Variants in SNRNP25 observed in about 807,000 individuals in gnomAD.
The protein encoded by SNRNP25 is small nuclear ribonucleoprotein U11/U12 subunit 25.
In SNRNP25, 21 loss-of-function variants were observed where a neutral mutation model predicts 23.9. The ratio of observed to expected loss-of-function variants is 0.88; its 90% CI spans 0.62 to 1.27. The LOEUF (loss-of-function observed/expected upper bound fraction) is 1.27. Ranked by LOEUF, SNRNP25 falls within the 50% of genes most tolerant of loss-of-function variation. The pLI is 0.00. For missense variants in SNRNP25, 160 were observed against 156.9 expected (o/e 1.02, Z -0.11); for synonymous variants, 63 against 60.4 (o/e 1.04, Z -0.20).
At chr16:55,340 C>A in intron 1 of SNRNP25, 119 bp from the exon 2 acceptor site, 2 of 815,948 alleles carry the variant, frequency 2.5e-6, no homozygotes, top group Non-Finnish European at 4.2e-6. Flanking sequence ...GGCAACCACC[C>A]TTCCTTGCCC....
At chr16:56,740 G>A in intron 4 of SNRNP25, 127 bp downstream of exon 4, 3 of 1,013,092 alleles carry the variant, frequency 3.0e-6, no homozygotes, top group South Asian at 3.0e-5. Context: ...AGCTTCCTTG[G>A]GGCCCTCCCC....
intron 3 of SNRNP25, chr16:56,321 C>T: frequency 1.4e-6 from 1 of 713,254 alleles, no homozygotes; most frequent in Admixed American, 2.0e-5. Context: ...GTTGCATTAG[C>T]AAGGTTTGTT....
rs750941655 is a variant in SNRNP25, at chr16:54,052, G to C, written c.36G>C (p.Pro12=). The C allele has an allele frequency of 4.4e-6, 7 of 1,605,830 alleles. No individual in the cohort carries two copies. The highest frequency in any genetic ancestry group is 5.9e-6 in the Non-Finnish European group (7 of 1,178,426). ...VVQDPLLCDL[P]IQVTLEEVNS... is the part of the protein sequence containing the mutation. ...AGGACCCGCTGCTCTGCGATCTGCC[G>C]ATCCAGGTGTGTGCGGGCGGGGGCT... The change falls in exon 1 of 5, where the codon CCG becomes CCC. Residue 12 remains proline (P), a synonymous_variant. Coordinates refer to ENST00000293861, the MANE Select transcript of SNRNP25 (RefSeq NM_024571.4).
At position 56,556 on chromosome 16, in the gene SNRNP25, C is replaced by A. The variant is rs554678630; in HGVS notation, c.257C>A (p.Thr86Lys). ...TCTTGCAGGTCCTACGTGTGGAGGA[C>A]GTACCATCTGACCTCTGCAGGAGAG... ...QHISWSYVWR[T>K]YHLTSAGEKL... Residue 86 changes from threonine to lysine, a missense_variant, in exon 4 of 5, where the codon ACG (threonine) becomes AAG (lysine). Coordinates refer to ENST00000293861, the MANE Select transcript of SNRNP25 (RefSeq NM_024571.4). The A allele has an allele frequency of 6.2e-7, 1 of 1,613,884 alleles. No individual in the cohort carries two copies. The highest frequency in any genetic ancestry group is 1.3e-5 in the African/African-American group (1 of 74,932).
intron 3 of SNRNP25, 99 bp from the exon 4 acceptor site, chr16:56,440 C>T (rs1457825678): frequency 9.0e-7 from 1 of 1,109,052 alleles, no homozygotes; most frequent in East Asian, 2.4e-5. Context: ...ACAGCTGCCC[C>T]AGGTCCCATA....
chr16:55,426 A>T, intron 1 of SNRNP25, 33 bp from the exon 2 acceptor site: 2 of 1,596,806 alleles, frequency 1.3e-6, no homozygotes, highest in Non-Finnish European at 8.6e-7. Flanking sequence ...AAAGAGAGCC[A>T]GGGTTCCCAC....
chr16:56,404 T>C (rs1897408825), intron 3 of SNRNP25, 135 bp from the exon 4 acceptor site: 3 of 828,154 alleles, frequency 3.6e-6, no homozygotes, highest in Non-Finnish European at 6.2e-6. Context: ...ATCTGCACAT[T>C]GTACAGAACA....
At position 55,724 on chromosome 16, in the gene SNRNP25, G is replaced by T. The variant is rs1017180208; in HGVS notation, c.134-53G>T. On this transcript the variant is annotated intron_variant, in intron 2 of 4. Coordinates refer to ENST00000293861, the MANE Select transcript of SNRNP25 (RefSeq NM_024571.4). ...GGTTCCTTTCCTGCCATCGGAGGCT[G>T]TGGCTTTGGGTTCTCACCATGGATC... The T allele has an allele frequency of 1.9e-6, 3 of 1,598,902 alleles. No individual in the cohort carries two copies. In the African/African-American group the frequency reaches 4.0e-5, roughly 21 times the overall value.
At position 55,541 on chromosome 16, in the gene SNRNP25, A is replaced by T; in HGVS notation, c.125A>T (p.Glu42Val). The T allele has an allele frequency of 6.2e-7, 1 of 1,614,050 alleles. No individual in the cohort carries two copies. The highest frequency in any genetic ancestry group is 1.1e-5 in the South Asian group (1 of 91,068). The change falls in exon 2 of 5, where the codon GAA becomes GTA. Residue 42 changes from glutamate to valine, a missense_variant. Physicochemically the swap from Glu to Val is moderately radical, Grantham distance 121. Transcript: ENST00000293861. ...MTVRVCKMDG[E>V]VMPVVVVQSA... ...GTCCGAGTGTGCAAGATGGATGGAG[A>T]AGTAATGCGTAAGTGCTACCCTCCT...
chr16:56,060 T>C, intron 3 of SNRNP25, 178 bp downstream of exon 3: 3 of 666,020 alleles, frequency 4.5e-6, no homozygotes, highest in Non-Finnish European at 7.9e-6. Context: ...GTGCGGGTCG[T>C]TCTGTGCCTG....
Position 53,922 on chromosome 16 carries a change from C to T in SNRNP25, c.-95C>T, listed in dbSNP as rs547386992. The T allele has an allele frequency of 4.5e-6, 7 of 1,544,032 alleles. No homozygotes were observed. The South Asian group carries it at 4.7e-5, about 10-fold the overall frequency. ...GGGGCGGCCCTGGAGGAGACGGAGG[C>T]CGCGGGTGGGCCCGAGGCGCAAGAG... On this transcript the variant is annotated 5_prime_UTR_variant, in exon 1 of 5. Transcript: ENST00000293861.
intron 1 of SNRNP25, chr16:55,209 T>G: frequency 2.3e-6 from 1 of 442,552 alleles, no homozygotes; most frequent in Non-Finnish European, 4.2e-6. Flanking sequence ...CTCATGTGAG[T>G]TTATTCTCTT....
rs200095997 is a variant in SNRNP25 at position 55,779 on chromosome 16, G to A, written c.136G>A (p.Val46Met). Residue 46 changes from valine to methionine, a missense_variant and splice_region_variant, in exon 3 of 5, where the codon GTG becomes ATG. Val to Met is a conservative substitution (Grantham distance 21). Transcript: ENST00000293861. Reference sequence around the variant, plus strand: ...CCCATCTGTGTCCGTGGTTGCAGCCGTGGTTGTAGTGCAGAGTGCCACAGT... The same window carrying A: ...CCCATCTGTGTCCGTGGTTGCAGCCATGGTTGTAGTGCAGAGTGCCACAGT... Reference protein sequence around the residue: ...VCKMDGEVMPVVVVQSATVLD... With the variant: ...VCKMDGEVMPMVVVQSATVLD... 26 of 1,614,070 alleles carry A rather than the reference G, an allele frequency of 1.6e-5. No homozygotes were observed. Among genetic ancestry groups the A allele is most frequent in the Middle Eastern group, 1.6e-4 (1 of 6,062 alleles).
At chr16:55,957 C>T (rs568520075) in intron 3 of SNRNP25, 75 bp downstream of exon 3, 15 of 1,312,122 alleles carry the variant, frequency 1.1e-5, no homozygotes, top group Admixed American at 9.8e-5. Flanking sequence ...CACCAGGCAC[C>T]ACCTGGAAAC....
intron 3 of SNRNP25, 105 bp downstream of exon 3, chr16:55,987 G>C: frequency 2.0e-6 from 2 of 979,514 alleles, no homozygotes; most frequent in Non-Finnish European, 3.1e-6. Context: ...CTCTGCATGA[G>C]TACAGCACCA....
intron 4 of SNRNP25, among the ~76,000 whole-genome samples, chr16:56,835 G>A (rs1408027247): frequency 1.3e-5 from 2 of 152,224 alleles, no homozygotes; most frequent in Non-Finnish European, 2.9e-5. Context: ...AGTGCCAGGA[G>A]GGAGGAAATC....
intron 1 of SNRNP25, 54 bp downstream of exon 1, chr16:54,112 T>G: frequency 1.9e-6 from 3 of 1,552,352 alleles, no homozygotes; most frequent in Non-Finnish European, 2.6e-6. Context: ...GGTCCGGGCA[T>G]CCGGGCGCCG....
At chr16:54,654 CCT>C (rs1478212574) in intron 1 of SNRNP25, among the ~76,000 whole-genome samples, 8 of 152,144 alleles carry the variant, frequency 5.3e-5, no homozygotes, top group Non-Finnish European at 1.0e-4. Flanking sequence ...GTTCCATTTG[CCT>C]CAAGCGTCAA....
chr16:55,547 T>A lies in SNRNP25; in HGVS notation c.131T>A (p.Met44Lys). 2 of 1,613,968 alleles carry A rather than the reference T, an allele frequency of 1.2e-6. No individual in the cohort carries two copies. Among genetic ancestry groups the A allele is most frequent in the South Asian group, 1.1e-5 (1 of 91,076 alleles). ...GTGTGCAAGATGGATGGAGAAGTAA[T>A]GCGTAAGTGCTACCCTCCTCCCTTC... ...VRVCKMDGEV[M>K]PVVVVQSATV... The change falls in exon 2 of 5, where the codon ATG becomes AAG. Residue 44 changes from methionine to lysine, a missense_variant and splice_region_variant. Transcript: ENST00000293861.
Sources: gnomAD v4.1 joint callset for allele counts (sites outside exome capture counted in the v4.1 genomes callset) on GRCh38, gnomAD v4.1.1 for gene constraint, MANE v1.5 for transcripts, NCBI Gene and HGNC (gene_info 2026-07-23, HGNC 2026-07-21) for gene names.